The following PAM variants were observed in gnomAD, a reference collection of about 807,000 sequenced individuals.
PAM encodes peptidyl-glycine alpha-amidating monooxygenase.
A neutral mutation model predicts 122.1 loss-of-function variants in PAM; 72 were observed. That is an observed-to-expected ratio of 0.59 (90% CI 0.49 to 0.72). PAM has a LOEUF of 0.72. PAM is among the 30% of genes least tolerant of loss of function. The pLI, the probability that PAM is intolerant of heterozygous loss-of-function variation, is 0.00. For synonymous variants in PAM, 389 were observed against 404.4 expected, an observed-to-expected ratio of 0.96 and a Z score of 0.46; for missense variants, 1,106 against 1,183.7, an observed-to-expected ratio of 0.93 and a Z score of 0.96.
intron 21 of PAM, among the ~76,000 whole-genome samples, chr5:103,016,255 C>T (rs1781955906): frequency 6.6e-6 from 1 of 152,168 alleles, no homozygotes; most frequent in African/African-American, 2.4e-5. Context: ...ACGATAGTAT[C>T]TCCAGAGCAT....
At chr5:102,828,851 C>T (rs912826278) in intron 1 of PAM, among the ~76,000 whole-genome samples, 2 of 151,320 alleles carry the variant, frequency 1.3e-5, no homozygotes, top group Non-Finnish European at 2.9e-5. Context: ...ATACAGCTCT[C>T]AGCCTAGGCT....
At chr5:102,940,509 T>TATATATATATCAGAGGTAAGAAAGTG in intron 7 of PAM, among the ~76,000 whole-genome samples, 1 of 149,292 alleles carries the variant, frequency 6.7e-6, no homozygotes, top group African/African-American at 2.4e-5. Context: ...CAGCTATATA[T>TATATATATATCAGAGGTAAGAAAGTG]ATATATATCA....
At chr5:103,005,329 G>T (rs557483879) in intron 18 of PAM, 103 bp downstream of exon 18, 2 of 730,186 alleles carry the variant, frequency 2.7e-6, no homozygotes, top group East Asian at 5.1e-5. Context: ...TTTTTCTTCT[G>T]TCACCCAGTA....
chr5:102,980,636 A>G (rs1769430676), intron 15 of PAM, among the ~76,000 whole-genome samples: 1 of 152,180 alleles, frequency 6.6e-6, no homozygotes, highest in Non-Finnish European at 1.5e-5. Context: ...TTTATTCTTG[A>G]TCATTTCATC....
intron 14 of PAM, among the ~76,000 whole-genome samples, chr5:102,961,645 C>T (rs1762525306): frequency 6.6e-6 from 1 of 151,760 alleles, no homozygotes; most frequent in African/African-American, 2.4e-5. Context: ...AGAATTAAAT[C>T]CACATCTTAC....
At chr5:102,757,832 G>A (rs1750914094) in intron 1 of PAM, among the ~76,000 whole-genome samples, 1 of 151,794 alleles carries the variant, frequency 6.6e-6, no homozygotes, top group South Asian at 2.1e-4. Flanking sequence ...CTTGAGTTCA[G>A]GAGTTTGAAA....
At chr5:103,026,878 G>A (rs1785089873) in intron 24 of PAM, among the ~76,000 whole-genome samples, 1 of 152,160 alleles carries the variant, frequency 6.6e-6, no homozygotes, top group Non-Finnish European at 1.5e-5. Context: ...ACCCAATCTG[G>A]CAGAAGCAGT....
chr5:103,007,594 T>C lies in PAM; in HGVS notation c.2152T>C (p.Phe718Leu), dbSNP rs1779419481. 1 of 1,613,740 alleles carries C rather than the reference T, an allele frequency of 6.2e-7. No individual in the cohort carries two copies. The highest frequency in any genetic ancestry group is 8.5e-7 in the Non-Finnish European group (1 of 1,179,680). Residue 718 changes from phenylalanine to leucine, a missense_variant, in exon 20 of 26, where the codon TTT becomes CTT. Phe to Leu is a conservative substitution (Grantham distance 22). Around this residue, in one of 3 missense-constraint regions of PAM, gnomAD observed 333 missense variants for 335.6 expected, o/e 0.99. Transcript: ENST00000438793. ...IQCFKTDTKE[F>L]VREIKHSSFG... ...GTGTTTTAAAACTGACACCAAAGAA[T>C]TTGTGAGAGAGATTAAGCATTCATC...
chr5:102,758,086 T>C (rs1405832295), intron 1 of PAM, among the ~76,000 whole-genome samples: 2 of 43,780 alleles, frequency 4.6e-5, no homozygotes, highest in African/African-American at 7.5e-5. Flanking sequence ...TTTTTTTTTT[T>C]TTTTTTTTTT....
chr5:102,861,514 ACTGT>A (rs34639302), intron 1 of PAM, among the ~76,000 whole-genome samples: 11,663 of 152,188 alleles, frequency 0.077, 646 homozygotes, highest in Non-Finnish European at 0.11. Context: ...AGACTGAGAA[ACTGT>A]CTGGAGTGAA....
At chr5:102,982,141 C>T (rs1033799380) in intron 15 of PAM, among the ~76,000 whole-genome samples, 48 of 152,068 alleles carry the variant, frequency 3.2e-4, no homozygotes, top group Non-Finnish European at 5.4e-4. Context: ...GCCCTGTCTA[C>T]CACCACTGGT....
At chr5:102,869,422 G>A (rs961648022) in intron 3 of PAM, among the ~76,000 whole-genome samples, 11 of 152,196 alleles carry the variant, frequency 7.2e-5, no homozygotes, top group Admixed American at 3.3e-4. Context: ...TACTTATGCA[G>A]TGTTCAGTTA....
intron 1 of PAM, among the ~76,000 whole-genome samples, chr5:102,779,918 T>TATATATATATACACAAAC (rs147065045): frequency 1.0e-5 from 1 of 95,704 alleles, no homozygotes; most frequent in Non-Finnish European, 2.0e-5. Flanking sequence ...TATATATATA[T>TATATATATATACACAAAC]ACACACATAT....
At chr5:102,850,093 T>C (rs1156708005) in intron 1 of PAM, among the ~76,000 whole-genome samples, 2 of 152,238 alleles carry the variant, frequency 1.3e-5, no homozygotes, top group Non-Finnish European at 2.9e-5. Context: ...TGTATTTCTT[T>C]ATGTTATTCC....
intron 7 of PAM, among the ~76,000 whole-genome samples, chr5:102,931,118 T>G (rs1028527536): frequency 1.3e-5 from 2 of 152,202 alleles, no homozygotes; most frequent in African/African-American, 4.8e-5. Context: ...TGTTAGCTAT[T>G]ATCATTATAG....
At chr5:102,868,536 A>C (rs1374802270) in intron 3 of PAM, among the ~76,000 whole-genome samples, 1 of 152,190 alleles carries the variant, frequency 6.6e-6, no homozygotes, top group East Asian at 1.9e-4. Flanking sequence ...TAATTTCATA[A>C]GCTTTTTATT....
chr5:102,782,304 G>A (rs546699066), intron 1 of PAM, among the ~76,000 whole-genome samples: 2 of 152,228 alleles, frequency 1.3e-5, no homozygotes, highest in South Asian at 2.1e-4. Flanking sequence ...GTTCATAGCC[G>A]GAACGAATCC....
chr5:102,933,420 C>T (rs1581854339), intron 7 of PAM, among the ~76,000 whole-genome samples: 1 of 152,228 alleles, frequency 6.6e-6, no homozygotes, highest in East Asian at 1.9e-4. Context: ...TTGTGACCAT[C>T]AGATTTGATT....
At chr5:102,891,833 A>G (rs2151282471) in intron 3 of PAM, among the ~76,000 whole-genome samples, 1 of 151,988 alleles carries the variant, frequency 6.6e-6, no homozygotes, top group East Asian at 1.9e-4. Context: ...TGAACAGGTC[A>G]ATACATTGAA....
Sources: allele counts gnomAD v4.1 joint callset (sites outside exome capture counted in the v4.1 genomes callset), GRCh38; gene constraint gnomAD v4.1.1; regional missense constraint gnomAD v4.1.1; transcripts MANE v1.5; gene names NCBI Gene and HGNC (gene_info 2026-07-23, HGNC 2026-07-21).